The following ABTB3 variants were observed in gnomAD, a reference collection of about 807,000 sequenced individuals.
The protein encoded by ABTB3 is ankyrin repeat and BTB domain containing 3.
At chr12:107,468,295 G>A in the ABTB3 span, among the ~76,000 whole-genome samples, 1 of 152,154 alleles carries the variant, frequency 6.6e-6, no homozygotes, top group African/African-American at 2.4e-5. Context: ...TCACTTCTGT[G>A]GGCCTGGCAG....
the ABTB3 span, among the ~76,000 whole-genome samples, chr12:107,367,609 C>T: frequency 5.9e-5 from 9 of 152,250 alleles, no homozygotes; most frequent in East Asian, 1.2e-3. Context: ...CCAGCTCAAG[C>T]GATTCTCGTG....
the ABTB3 span, among the ~76,000 whole-genome samples, chr12:107,323,741 T>C: frequency 6.6e-6 from 1 of 152,204 alleles, no homozygotes; most frequent in Admixed American, 6.5e-5. Flanking sequence ...TTGGTCTTCC[T>C]GGCTTCCTTG....
the ABTB3 span, among the ~76,000 whole-genome samples, chr12:107,557,386 A>C: frequency 6.6e-6 from 1 of 152,216 alleles, no homozygotes; most frequent in Admixed American, 6.5e-5. Flanking sequence ...TTATAATCTT[A>C]TGGGACCACC....
the ABTB3 span, among the ~76,000 whole-genome samples, chr12:107,344,572 G>T: frequency 6.6e-6 from 1 of 152,170 alleles, no homozygotes; most frequent in African/African-American, 2.4e-5. Context: ...AGTGTTTGTT[G>T]AATGATTCAC....
At chr12:107,482,768 GCCTTCCTCCCTT>G in the ABTB3 span, among the ~76,000 whole-genome samples, 1 of 150,786 alleles carries the variant, frequency 6.6e-6, no homozygotes, top group Non-Finnish European at 1.5e-5. Flanking sequence ...ATGCTTGCTT[GCCTTCCTCCCTT>G]CCTTCCTTCC....
chr12:107,629,400 G>A, the ABTB3 span, among the ~76,000 whole-genome samples: 19 of 152,114 alleles, frequency 1.2e-4, no homozygotes, highest in Non-Finnish European at 2.8e-4. Flanking sequence ...TTCAGCCTGG[G>A]CAACAGGGAG....
chr12:107,505,655 A>G, the ABTB3 span, among the ~76,000 whole-genome samples: 9 of 151,944 alleles, frequency 5.9e-5, no homozygotes, highest in South Asian at 1.0e-3. Flanking sequence ...AGTATTCATT[A>G]GTTCTTTTTC....
At chr12:107,593,886 A>G in the ABTB3 span, among the ~76,000 whole-genome samples, 1 of 152,106 alleles carries the variant, frequency 6.6e-6, no homozygotes, top group Non-Finnish European at 1.5e-5. Context: ...GCCACCGGAG[A>G]TTGCACACGT....
the ABTB3 span, among the ~76,000 whole-genome samples, chr12:107,482,955 TC>T: frequency 1.9e-5 from 1 of 52,338 alleles, no homozygotes; most frequent in African/African-American, 7.8e-5. Flanking sequence ...TTTCTTTCTT[TC>T]TTTCTTTCTT....
the ABTB3 span, among the ~76,000 whole-genome samples, chr12:107,655,335 C>A: frequency 6.6e-6 from 1 of 152,052 alleles, no homozygotes; most frequent in African/African-American, 2.4e-5. Flanking sequence ...AGCTCTGCCT[C>A]CGCCTTCCCA....
the ABTB3 span, among the ~76,000 whole-genome samples, chr12:107,378,362 T>G: frequency 6.6e-6 from 1 of 152,314 alleles, no homozygotes; most frequent in East Asian, 1.9e-4. Flanking sequence ...TTGCTATTAA[T>G]TATTGAGCAC....
the ABTB3 span, among the ~76,000 whole-genome samples, chr12:107,383,597 A>G: frequency 2.0e-5 from 3 of 152,200 alleles, no homozygotes; most frequent in South Asian, 4.1e-4. Context: ...GTTCACAGTT[A>G]TTATCAGTGT....
At chr12:107,485,846 C>T in the ABTB3 span, among the ~76,000 whole-genome samples, 5 of 152,188 alleles carry the variant, frequency 3.3e-5, no homozygotes, top group Non-Finnish European at 5.9e-5. Flanking sequence ...ATTTTACTCT[C>T]TTAAATGTTT....
the ABTB3 span, among the ~76,000 whole-genome samples, chr12:107,512,421 T>C: frequency 6.6e-6 from 1 of 152,216 alleles, no homozygotes; most frequent in Non-Finnish European, 1.5e-5. Flanking sequence ...TTTTGTCCCA[T>C]GGGGGCAAAT....
chr12:107,580,894 C>T, the ABTB3 span: 2 of 1,550,976 alleles, frequency 1.3e-6, no homozygotes, highest in East Asian at 2.4e-5. Context: ...GTCACATTAT[C>T]CCCAGGCTAC....
chr12:107,599,267 T>A, the ABTB3 span, among the ~76,000 whole-genome samples: 1 of 152,196 alleles, frequency 6.6e-6, no homozygotes, highest in African/African-American at 2.4e-5. Context: ...CAAAAACAGA[T>A]TCATGTGTAT....
At chr12:107,389,373 C>T in the ABTB3 span, among the ~76,000 whole-genome samples, 1 of 152,136 alleles carries the variant, frequency 6.6e-6, no homozygotes, top group Non-Finnish European at 1.5e-5. Context: ...TCTTAGTTTA[C>T]AGGTAGGAAA....
At chr12:107,645,814 CG>C in the ABTB3 span, among the ~76,000 whole-genome samples, 306 of 152,276 alleles carry the variant, frequency 2.0e-3, 1 homozygote, top group African/African-American at 7.0e-3. Context: ...TTGCTTTTGA[CG>C]GGGGAAGGTT....
chr12:107,318,899 C>A, the ABTB3 span: 1 of 1,537,562 alleles, frequency 6.5e-7, no homozygotes, highest in East Asian at 2.3e-5. Flanking sequence ...GCCGCTCCTT[C>A]CCTTTGGCTC....
Sources: allele counts gnomAD v4.1 joint callset (sites outside exome capture counted in the v4.1 genomes callset), GRCh38; gene constraint gnomAD v4.1.1; transcripts MANE v1.5; gene names NCBI Gene and HGNC (gene_info 2026-07-23, HGNC 2026-07-21).